JMJD1C: variants seen among roughly 807,000 people sequenced by gnomAD.
JMJD1C encodes the protein jumonji domain-containing protein 1C.
Under a neutral mutation model 245.3 loss-of-function variants are expected in JMJD1C, and 31 were observed. The observed-to-expected ratio is 0.13, with a 90% CI of 0.09 to 0.17. The LOEUF is 0.17. Ranked by LOEUF, JMJD1C falls within the 10% of genes least tolerant of loss-of-function variation. The probability of loss-of-function intolerance (pLI) is 1.00; values close to 1 mark genes in which losing one functional copy is unlikely to be tolerated. For synonymous variants in JMJD1C, 1,057 were observed against 1,017.4 expected, an observed-to-expected ratio of 1.04 and a Z score of -0.74; for missense variants, 2,691 against 3,000.2, an observed-to-expected ratio of 0.90 and a Z score of 2.41.
chr10:63,203,170 A>G, intron 10 of JMJD1C: 1 of 985,016 alleles, frequency 1.0e-6, no homozygotes, highest in Non-Finnish European at 1.2e-6. Context: ...GCTTCTAGAC[A>G]AGGCCACACA....
intron 1 of JMJD1C, among the ~76,000 whole-genome samples, chr10:63,433,064 C>T (rs1950856999): frequency 6.6e-6 from 1 of 151,940 alleles, no homozygotes; most frequent in Admixed American, 6.5e-5. Flanking sequence ...ACATGGATCT[C>T]AAACAAGGGA....
chr10:63,239,445 A>G (rs987297295), intron 3 of JMJD1C, among the ~76,000 whole-genome samples: 4 of 152,002 alleles, frequency 2.6e-5, no homozygotes, highest in Non-Finnish European at 5.9e-5. Context: ...ACATTCCTAC[A>G]TGTTGATTTT....
At chr10:63,431,687 G>T (rs924914728) in intron 1 of JMJD1C, among the ~76,000 whole-genome samples, 9 of 152,286 alleles carry the variant, frequency 5.9e-5, no homozygotes, top group African/African-American at 2.2e-4. Context: ...GTAACTCAGG[G>T]TCCCCAGGTT....
chr10:63,324,835 T>G (rs1200620179), intron 2 of JMJD1C, among the ~76,000 whole-genome samples: 2 of 152,300 alleles, frequency 1.3e-5, no homozygotes, highest in African/African-American at 2.4e-5. Flanking sequence ...TCAGAAAACA[T>G]TTAATAGAAA....
intron 22 of JMJD1C, among the ~76,000 whole-genome samples, chr10:63,182,509 T>TA (rs1843610976): frequency 6.6e-6 from 1 of 152,194 alleles, no homozygotes; most frequent in African/African-American, 2.4e-5. Flanking sequence ...CTTATGAGGG[T>TA]AGAACCAATA....
intron 11 of JMJD1C, among the ~76,000 whole-genome samples, chr10:63,199,915 T>C (rs1845841514): frequency 6.6e-6 from 1 of 152,188 alleles, no homozygotes; most frequent in South Asian, 2.1e-4. Flanking sequence ...TTATCTCATT[T>C]AACCTTCATT....
intron 1 of JMJD1C, among the ~76,000 whole-genome samples, chr10:63,505,140 G>A (rs940586411): frequency 1.3e-5 from 2 of 151,914 alleles, no homozygotes; most frequent in African/African-American, 4.8e-5. Flanking sequence ...GTGAAACCCC[G>A]TCTCTATTAA....
At chr10:63,427,563 G>C in intron 1 of JMJD1C, 2 of 1,405,808 alleles carry the variant, frequency 1.4e-6, no homozygotes, top group Non-Finnish European at 2.0e-6. Flanking sequence ...TGGACCCACA[G>C]AATCAGACCA....
At chr10:63,306,640 C>T (rs912906498) in intron 2 of JMJD1C, among the ~76,000 whole-genome samples, 3 of 151,812 alleles carry the variant, frequency 2.0e-5, no homozygotes, top group East Asian at 1.9e-4. Flanking sequence ...CTAAATATTT[C>T]GAAACTAAAA....
chr10:63,247,507 A>G (rs1852368696), intron 3 of JMJD1C, among the ~76,000 whole-genome samples: 1 of 152,070 alleles, frequency 6.6e-6, no homozygotes, highest in East Asian at 1.9e-4. Flanking sequence ...TTGAAAGGAC[A>G]AAGAAGGTGG....
In JMJD1C at chr10:63,392,833, A is replaced by G. The variant is rs553952669; in HGVS notation, c.169-12351T>C. Among the ~76,000 whole-genome samples the G allele has an allele frequency of 4.1e-3, 599 of 145,658 alleles. 1 individual carries two copies. The highest frequency in any genetic ancestry group is 7.3e-3 in the Non-Finnish European group (480 of 65,320). Reference sequence around the variant, plus strand: ...AGCGAGACTTCGTCTCCAAAAAAAAAAAAAAAAAAAAAAGGTGGGCAAAAA... The same window carrying G: ...AGCGAGACTTCGTCTCCAAAAAAAAGAAAAAAAAAAAAAGGTGGGCAAAAA... On this transcript the variant is annotated intron_variant, in intron 1 of 25. Coordinates refer to ENST00000399262, the MANE Select transcript of JMJD1C (RefSeq NM_032776.3).
intron 5 of JMJD1C, among the ~76,000 whole-genome samples, chr10:63,216,582 C>T (rs530707309): frequency 9.9e-5 from 15 of 152,016 alleles, no homozygotes; most frequent in African/African-American, 3.1e-4. Flanking sequence ...TGGTGGCGGG[C>T]GCCTGTAGTC....
At chr10:63,466,932 C>A (rs1953315232), upstream of JMJD1C, among the ~76,000 whole-genome samples, 1 of 152,076 alleles carries the variant, frequency 6.6e-6, no homozygotes. Flanking sequence ...CGATTTCAGG[C>A]ACCCTTTATA....
At chr10:63,325,806 TATAA>T (rs1941431545) in intron 2 of JMJD1C, among the ~76,000 whole-genome samples, 1 of 152,210 alleles carries the variant, frequency 6.6e-6, no homozygotes, top group Admixed American at 6.5e-5. Context: ...TAGAATAAAC[TATAA>T]ATCTCAGTGA....
At chr10:63,301,757 T>C (rs1434174834) in intron 2 of JMJD1C, 2 of 449,310 alleles carry the variant, frequency 4.5e-6, no homozygotes, top group Non-Finnish European at 8.9e-6. Context: ...GGCACGTGTA[T>C]ACATACCTAT....
At chr10:63,463,094 C>T (rs1188608454) in intron 1 of JMJD1C, among the ~76,000 whole-genome samples, 1 of 152,018 alleles carries the variant, frequency 6.6e-6, no homozygotes, top group African/African-American at 2.4e-5. Flanking sequence ...TTTAATTATA[C>T]ATATTTGTAG....
At chr10:63,490,136 CT>C (rs1954121193) in intron 1 of JMJD1C, among the ~76,000 whole-genome samples, 1 of 152,188 alleles carries the variant, frequency 6.6e-6, no homozygotes, top group Non-Finnish European at 1.5e-5. Flanking sequence ...AAACTGGCCC[CT>C]GGTGCCAAAA....
At chr10:63,407,721 C>T (rs574772731) in intron 1 of JMJD1C, among the ~76,000 whole-genome samples, 2 of 131,768 alleles carry the variant, frequency 1.5e-5, no homozygotes, top group South Asian at 4.8e-4. Flanking sequence ...GAAAACAAAA[C>T]ATTAAAAAAA....
intron 2 of JMJD1C, among the ~76,000 whole-genome samples, chr10:63,371,673 C>T (rs1009316918): frequency 9.1e-4 from 111 of 122,198 alleles, no homozygotes; most frequent in African/African-American, 2.9e-3. Flanking sequence ...TCTTATGGTT[C>T]TTATAACATA....
Sources: gnomAD v4.1 joint callset for allele counts (sites outside exome capture counted in the v4.1 genomes callset) on GRCh38, gnomAD v4.1.1 for gene constraint, MANE v1.5 for transcripts, NCBI Gene and HGNC (gene_info 2026-07-23, HGNC 2026-07-21) for gene names.